Variants in KCNN3 observed in about 807,000 individuals in gnomAD.
KCNN3 encodes the protein potassium calcium-activated channel subfamily N member 3.
Under a neutral mutation model 62.9 loss-of-function variants are expected in KCNN3, and 16 were observed. The ratio of observed to expected loss-of-function variants is 0.25; its 90% CI spans 0.17 to 0.39. KCNN3 has a LOEUF of 0.39. KCNN3 is among the 10% of genes least tolerant of loss of function. The pLI is 1.00. For synonymous variants in KCNN3, 370 were observed against 389.2 expected (o/e 0.95, Z 0.58); for missense variants, 599 against 949.4 (o/e 0.63, Z 4.85).
chr1:154,826,346 A>G (rs1651131268), intron 1 of KCNN3, among the ~76,000 whole-genome samples: 1 of 152,198 alleles, frequency 6.6e-6, no homozygotes, highest in Non-Finnish European at 1.5e-5. Context: ...CTCATTGATG[A>G]CAATAATCTG....
rs1381525571 is a variant in KCNN3 at position 154,703,019 on chromosome 1, A to G, written c.*4957T>C. The G allele has an allele frequency of 6.6e-6, 1 of 151,964 alleles. No individual in the cohort carries two copies. Among genetic ancestry groups the G allele is most frequent in the African/African-American group, 2.4e-5 (1 of 41,364 alleles). 9.4% of individuals were successfully genotyped at this position (151,964 alleles called of 1,614,324 possible). On this transcript the variant is annotated 3_prime_UTR_variant, in exon 8 of 8. Transcript: ENST00000271915. ...TTTTGTTCAGAGGGAACTCCAGTTC[A>G]CGTTTGGGTGTTTCCAGTAATGGCG...
Position 154,858,010 on chromosome 1 carries a change from A to G in KCNN3, c.933+11022T>C, listed in dbSNP as rs908693285. ...CCCGTCCACCCACCAGGAAACCCTC[A>G]TGACTCAACTCCATCCTAGACTTGC... is the stretch of plus-strand genomic sequence containing the variant. On this transcript the variant is annotated intron_variant, in intron 1 of 7. Coordinates refer to ENST00000271915, the MANE Select transcript of KCNN3 (RefSeq NM_002249.6). 4.6e-5 allele frequency among the ~76,000 whole-genome samples: 7 copies of G among 152,272 alleles called. No individual in the cohort carries two copies. The South Asian group carries it at 1.5e-3, about 32-fold the overall frequency.
intron 3 of KCNN3, among the ~76,000 whole-genome samples, chr1:154,768,577 T>C (rs755605222): frequency 6.6e-6 from 1 of 152,122 alleles, no homozygotes; most frequent in Non-Finnish European, 1.5e-5. Context: ...AGTGTCCTAC[T>C]AGAAGCAAAC....
Position 154,708,198 on chromosome 1 carries a change from G to A in KCNN3, c.1974C>T (p.Ser658=). The A allele has an allele frequency of 6.2e-7, 1 of 1,613,888 alleles. No individual in the cohort carries two copies. Among genetic ancestry groups the A allele is most frequent in the African/African-American group, 1.3e-5 (1 of 75,046 alleles). ...TGAGATGCTCCAGCTTCGACTCCAG[G>A]CTGCCAATCTGCTTCTCCAGGTCTT... is the stretch of plus-strand genomic sequence containing the variant. ...RSEDLEKQIG[S]LESKLEHLTA... The change falls in exon 8 of 8, where the codon AGC becomes AGT. Residue 658 remains serine, a synonymous_variant. Transcript: ENST00000271915.
At chr1:154,810,782 T>C (rs1650373568) in intron 2 of KCNN3, among the ~76,000 whole-genome samples, 1 of 152,180 alleles carries the variant, frequency 6.6e-6, no homozygotes, top group African/African-American at 2.4e-5. Flanking sequence ...GAAGTCCCCA[T>C]GACTCAGCCC....
chr1:154,812,685 T>C (rs1650465941), intron 2 of KCNN3, among the ~76,000 whole-genome samples: 1 of 152,194 alleles, frequency 6.6e-6, no homozygotes, highest in Admixed American at 6.5e-5. Flanking sequence ...TCCTGAAAAC[T>C]TTAAGCTGTC....
At chr1:154,740,691 T>A (rs985911257) in intron 3 of KCNN3, among the ~76,000 whole-genome samples, 23 of 152,348 alleles carry the variant, frequency 1.5e-4, no homozygotes, top group African/African-American at 5.0e-4. Flanking sequence ...CACTAGTGGG[T>A]GAATTGGGAT....
At chr1:154,751,421 A>G (rs1187777528) in intron 3 of KCNN3, among the ~76,000 whole-genome samples, 1 of 152,204 alleles carries the variant, frequency 6.6e-6, no homozygotes, top group Non-Finnish European at 1.5e-5. Context: ...TGCAGACAAG[A>G]TGAAGCAAGA....
intron 1 of KCNN3, among the ~76,000 whole-genome samples, chr1:154,831,381 C>T (rs1412874445): frequency 2.6e-5 from 4 of 152,136 alleles, no homozygotes; most frequent in African/African-American, 7.2e-5. Flanking sequence ...ACCAATAGCC[C>T]GGGTCCTTGT....
intron 3 of KCNN3, among the ~76,000 whole-genome samples, chr1:154,746,153 C>A (rs56318331): frequency 0.26 from 39,805 of 152,106 alleles, 5,499 homozygotes; most frequent in Middle Eastern, 0.35. Flanking sequence ...TGAGCCCCCT[C>A]CTGTGTGCCT....
chr1:154,836,139 G>A (rs1267847030), intron 1 of KCNN3, among the ~76,000 whole-genome samples: 1 of 152,218 alleles, frequency 6.6e-6, no homozygotes, highest in Non-Finnish European at 1.5e-5. Context: ...CAAGAAGAAT[G>A]TGTCCGTGCC....
chr1:154,839,948 G>A (rs1414377109), intron 1 of KCNN3, among the ~76,000 whole-genome samples: 2 of 152,224 alleles, frequency 1.3e-5, no homozygotes, highest in African/African-American at 2.4e-5. Context: ...CAGAGCAGGG[G>A]CTAGGTCACA....
chr1:154,834,908 G>A (rs535292237), intron 1 of KCNN3, among the ~76,000 whole-genome samples: 15 of 152,226 alleles, frequency 9.9e-5, no homozygotes, highest in African/African-American at 3.1e-4. Flanking sequence ...GGAGGAGGTC[G>A]CTTGTTCCTG....
chr1:154,785,591 T>C (rs1452858476), intron 2 of KCNN3, among the ~76,000 whole-genome samples: 2 of 145,346 alleles, frequency 1.4e-5, no homozygotes, highest in Non-Finnish European at 3.0e-5. Context: ...TTTTTTTTTT[T>C]TTTTTTTTGA....
At position 154,713,064 on chromosome 1, in the gene KCNN3, C is replaced by T. The variant is rs1700111507; in HGVS notation, c.1899+400G>A. Among the ~76,000 whole-genome samples the T allele has an allele frequency of 2.6e-5, 4 of 152,102 alleles. No homozygotes were observed. In the South Asian group the frequency reaches 8.3e-4, roughly 32 times the overall value. On this transcript the variant is annotated intron_variant, in intron 7 of 7. Transcript: ENST00000271915. ...TGAACTTCCAAGTATTACAGCAAACCGGTGTGACCTGGGCAGTTACCATGG... is the reference window on the plus strand; with the variant it reads ...TGAACTTCCAAGTATTACAGCAAACTGGTGTGACCTGGGCAGTTACCATGG...
chr1:154,712,018 AAGAG>A (rs1700087811), intron 7 of KCNN3, among the ~76,000 whole-genome samples: 2 of 151,074 alleles, frequency 1.3e-5, no homozygotes, highest in Admixed American at 6.6e-5. Flanking sequence ...GACGGAGAGG[AAGAG>A]AGAGACAGGG....
chr1:154,713,511 G>T lies in KCNN3; in HGVS notation c.1852C>A (p.Gln618Lys). Residue 618 changes from glutamine to lysine, a missense_variant, in exon 7 of 8, where the codon CAG becomes AAG. This residue lies in a region of KCNN3 where 288 missense variants were observed against 557.4 expected (regional missense o/e 0.52). Transcript: ENST00000271915. ...TTGGCTTGGTCACTCAGCTTCCTCT[G>T]TTCCATCTTGACGCTCCTCAACCTG... ...IHQLRSVKME[Q>K]RKLSDQANTL... is the part of the protein sequence containing the mutation. 1 of 1,613,924 alleles carries T rather than the reference G, an allele frequency of 6.2e-7. No individual in the cohort carries two copies. The highest frequency in any genetic ancestry group is 8.5e-7 in the Non-Finnish European group (1 of 1,179,874).
At chr1:154,768,627 C>A (rs779644917) in intron 3 of KCNN3, among the ~76,000 whole-genome samples, 5 of 152,212 alleles carry the variant, frequency 3.3e-5, no homozygotes, top group Non-Finnish European at 5.9e-5. Context: ...CAAATCCCCT[C>A]GGGAGCTTGC....
At chr1:154,852,209 T>C (rs866135639) in intron 1 of KCNN3, among the ~76,000 whole-genome samples, 1 of 76,368 alleles carries the variant, frequency 1.3e-5, no homozygotes, top group South Asian at 8.2e-4. Context: ...GTGAATCTAT[T>C]CTTTTTTTTT....
Sources: allele counts gnomAD v4.1 joint callset (sites outside exome capture counted in the v4.1 genomes callset), GRCh38; gene constraint gnomAD v4.1.1; regional missense constraint gnomAD v4.1.1; transcripts MANE v1.5; gene names NCBI Gene and HGNC (gene_info 2026-07-23, HGNC 2026-07-21).